Variants in XPNPEP1 observed in about 807,000 individuals in gnomAD.
XPNPEP1 encodes X-prolyl aminopeptidase 1.
Under a neutral mutation model 92.4 loss-of-function variants are expected in XPNPEP1, and 39 were observed. The observed-to-expected ratio is 0.42, with a 90% CI of 0.33 to 0.55. The LOEUF is 0.55. Ranked by LOEUF, XPNPEP1 falls within the 20% of genes least tolerant of loss-of-function variation. XPNPEP1 has a pLI of 0.08. For synonymous variants in XPNPEP1, 307 were observed against 299.4 expected (o/e 1.03, Z -0.26); for missense variants, 654 against 856.1 (o/e 0.76, Z 2.95).
chr10:109,884,235 G>C, intron 8 of XPNPEP1, 87 bp from the exon 9 acceptor site: 1 of 1,270,890 alleles, frequency 7.9e-7, no homozygotes, highest in Non-Finnish European at 1.1e-6. Context: ...CTTCAGCTTG[G>C]AGTCCAGCTG....
At chr10:109,895,220 G>A (rs1232041918) in intron 3 of XPNPEP1, among the ~76,000 whole-genome samples, 1 of 152,208 alleles carries the variant, frequency 6.6e-6, no homozygotes, top group Admixed American at 6.5e-5. Flanking sequence ...CAGGCTTGGG[G>A]CTCTTCCACC....
intron 3 of XPNPEP1, among the ~76,000 whole-genome samples, chr10:109,895,418 A>C (rs1405306014): frequency 6.6e-6 from 1 of 152,266 alleles, no homozygotes; most frequent in African/African-American, 2.4e-5. Flanking sequence ...GCAAGGAAAG[A>C]GTTCCTCCAA....
intron 3 of XPNPEP1, among the ~76,000 whole-genome samples, chr10:109,898,360 C>A (rs1430549563): frequency 6.6e-6 from 1 of 152,234 alleles, no homozygotes; most frequent in Non-Finnish European, 1.5e-5. Context: ...AAGAAACTAT[C>A]TTCTCGAAGT....
At chr10:109,869,913 T>A in intron 19 of XPNPEP1, 40 bp downstream of exon 19, 2 of 1,603,792 alleles carry the variant, frequency 1.2e-6, no homozygotes, top group South Asian at 2.2e-5. Context: ...GCGTGATTAT[T>A]GCTAATAGAA....
At chr10:109,877,477 A>C (rs993719980) in intron 14 of XPNPEP1, 2 of 274,408 alleles carry the variant, frequency 7.3e-6, no homozygotes, top group African/African-American at 4.4e-5. Context: ...AAAAAAAAAA[A>C]AACTTAGTCA....
intron 8 of XPNPEP1, among the ~76,000 whole-genome samples, chr10:109,884,695 A>G (rs770302452): frequency 5.9e-5 from 9 of 152,208 alleles, no homozygotes; most frequent in Non-Finnish European, 1.0e-4. Context: ...CAGCTCACCA[A>G]TGAAATCAGA....
intron 7 of XPNPEP1, among the ~76,000 whole-genome samples, chr10:109,887,753 G>A (rs553357487): frequency 2.0e-5 from 3 of 152,268 alleles, no homozygotes; most frequent in Non-Finnish European, 4.4e-5. Flanking sequence ...AAATACGTTC[G>A]AGTGGCAGTT....
chr10:109,902,904 C>T (rs1459879418), intron 3 of XPNPEP1, among the ~76,000 whole-genome samples: 1 of 152,218 alleles, frequency 6.6e-6, no homozygotes, highest in Non-Finnish European at 1.5e-5. Context: ...CCTGGAACAT[C>T]CCCTGTGGCT....
At position 109,877,769 on chromosome 10, in the gene XPNPEP1, A is replaced by T. The variant is rs1847862443; in HGVS notation, c.1319+21T>A. On this transcript the variant is annotated intron_variant, in intron 14 of 20. Transcript: ENST00000502935. ...TGCAGAAGCAGCAAGGCCAGGCAGC[A>T]TGCTCCTCCGCATGCCTTACGCGTA... 10 of 1,614,140 alleles carry T rather than the reference A, an allele frequency of 6.2e-6. No homozygotes were observed. The East Asian group carries it at 2.2e-4, about 36-fold the overall frequency.
intron 3 of XPNPEP1, among the ~76,000 whole-genome samples, chr10:109,898,315 A>G (rs1446408982): frequency 6.6e-6 from 1 of 152,238 alleles, no homozygotes; most frequent in Non-Finnish European, 1.5e-5. Context: ...ACTTATTGCT[A>G]TGAACTGCAC....
intron 1 of XPNPEP1, among the ~76,000 whole-genome samples, chr10:109,920,455 T>G (rs965035099): frequency 6.6e-6 from 1 of 152,222 alleles, no homozygotes; most frequent in African/African-American, 2.4e-5. Flanking sequence ...TCACCGAATT[T>G]CCCATTACTT....
intron 3 of XPNPEP1, among the ~76,000 whole-genome samples, chr10:109,904,463 T>G (rs1849448668): frequency 6.6e-6 from 1 of 151,418 alleles, no homozygotes; most frequent in Non-Finnish European, 1.5e-5. Context: ...AACACTAGAG[T>G]CTCCCACCCC....
At chr10:109,921,992 T>G (rs1480613081) in intron 1 of XPNPEP1, among the ~76,000 whole-genome samples, 1 of 152,202 alleles carries the variant, frequency 6.6e-6, no homozygotes, top group Non-Finnish European at 1.5e-5. Context: ...GGATACTGAA[T>G]AAATCAGAGC....
chr10:109,902,645 G>A (rs143787751), intron 3 of XPNPEP1, among the ~76,000 whole-genome samples: 307 of 152,348 alleles, frequency 2.0e-3, no homozygotes, highest in African/African-American at 7.2e-3. Flanking sequence ...AAAAGAAAGA[G>A]TGGAGAGGGG....
In XPNPEP1 at chr10:109,865,119, G is replaced by T. The variant is rs981612822; in HGVS notation, c.*65C>A. On this transcript the variant is annotated 3_prime_UTR_variant, in exon 21 of 21. Coordinates refer to ENST00000502935, the MANE Select transcript of XPNPEP1 (RefSeq NM_020383.4). ...AGGAAAGGAAAGGGGAAAGATGTCA[G>T]GGATCTGCCACGTTTCTTCCTTCCT... 6.2e-7 allele frequency: 1 copy of T among 1,603,278 alleles called. No individual in the cohort carries two copies. Among genetic ancestry groups the T allele is most frequent in the East Asian group, 2.2e-5 (1 of 44,690 alleles).
intron 15 of XPNPEP1, 60 bp downstream of exon 15, chr10:109,875,468 C>T: frequency 2.0e-6 from 3 of 1,530,006 alleles, no homozygotes; most frequent in Non-Finnish European, 2.7e-6. Context: ...GCTCAGCTGT[C>T]CACCTTCTCC....
Position 109,903,148 on chromosome 10 carries a change from A to G in XPNPEP1, c.246+4543T>C, listed in dbSNP as rs944967. Among the ~76,000 whole-genome samples, 432 of 152,356 alleles carry G rather than the reference A, an allele frequency of 2.8e-3. 14 individuals are homozygous for G. In the East Asian group the frequency reaches 0.068, roughly 24 times the overall value. On this transcript the variant is annotated intron_variant, in intron 3 of 20. Coordinates refer to ENST00000502935, the MANE Select transcript of XPNPEP1 (RefSeq NM_020383.4). ...TCTCCTACTAGTAAACACACAGATA[A>G]TATCCTAACTCCAGGCAAAAGAAAA...
intron 19 of XPNPEP1, 165 bp downstream of exon 19, chr10:109,869,788 A>C: frequency 1.6e-6 from 1 of 618,298 alleles, no homozygotes; most frequent in Non-Finnish European, 2.8e-6. Context: ...TTGGCCCCAG[A>C]ATGGCATACT....
intron 12 of XPNPEP1, among the ~76,000 whole-genome samples, chr10:109,879,282 T>C (rs959934137): frequency 6.7e-6 from 1 of 148,872 alleles, no homozygotes; most frequent in African/African-American, 2.5e-5. Flanking sequence ...AATAATAATT[T>C]ACATAAAGTC....
Sources: gnomAD v4.1 joint callset for allele counts (sites outside exome capture counted in the v4.1 genomes callset) on GRCh38, gnomAD v4.1.1 for gene constraint, MANE v1.5 for transcripts, NCBI Gene and HGNC (gene_info 2026-07-23, HGNC 2026-07-21) for gene names.